The following SLC44A1 variants were observed in gnomAD, a reference collection of about 807,000 sequenced individuals.
SLC44A1 encodes the protein choline transporter-like protein 1.
Under a neutral mutation model 79.3 loss-of-function variants are expected in SLC44A1, and 26 were observed. That is an observed-to-expected ratio of 0.33 (90% CI 0.24 to 0.46). The LOEUF is 0.46. Among genes scored for constraint, SLC44A1 ranks in the 20% least tolerant of loss-of-function variants. SLC44A1 has a pLI of 1.00. For missense variants in SLC44A1, 688 were observed against 798.1 expected (o/e 0.86, Z 1.66); for synonymous variants, 263 against 286.2 (o/e 0.92, Z 0.82).
At chr9:105,265,511 T>C (rs947893637) in intron 1 of SLC44A1, among the ~76,000 whole-genome samples, 1 of 152,262 alleles carries the variant, frequency 6.6e-6, no homozygotes, top group African/African-American at 2.4e-5. Flanking sequence ...TATATGAATA[T>C]ATCATAGTTT....
rs183942957 is a variant in SLC44A1 at position 105,345,442 on chromosome 9, G to A, written c.407-2916G>A. Among the ~76,000 whole-genome samples the A allele has an allele frequency of 1.1e-4, 16 of 152,180 alleles. No individual in the cohort carries two copies. In the East Asian group the frequency reaches 3.1e-3, roughly 29 times the overall value. ...GGTATCTGTAGAACGTATGTTTTTT[G>A]GCCCAGGAGTTTATTGAATACTTGC... On this transcript the variant is annotated intron_variant, in intron 4 of 15. Coordinates refer to ENST00000374720, the MANE Select transcript of SLC44A1 (RefSeq NM_080546.5).
chr9:105,293,016 G>A lies in SLC44A1; in HGVS notation c.37-6204G>A, dbSNP rs118120526. 3.0e-4 allele frequency among the ~76,000 whole-genome samples: 46 copies of A among 152,192 alleles called. No homozygotes were observed. The East Asian group carries it at 8.3e-3, about 28-fold the overall frequency. On this transcript the variant is annotated intron_variant, in intron 1 of 15. Transcript: ENST00000374720. ...TCCATTTAAAAAAAAAATTAACAGA[G>A]CATGGTGGTGTGTGCCTGTAGTCCC...
intron 2 of SLC44A1, among the ~76,000 whole-genome samples, chr9:105,303,159 G>T (rs1830926568): frequency 6.6e-6 from 1 of 152,106 alleles, no homozygotes; most frequent in Non-Finnish European, 1.5e-5. Context: ...CAGGAAACAA[G>T]AGTGGGATGG....
intron 13 of SLC44A1, among the ~76,000 whole-genome samples, chr9:105,382,463 T>C (rs1187747295): frequency 1.3e-5 from 2 of 152,214 alleles, no homozygotes; most frequent in South Asian, 2.1e-4. Context: ...TGGCAAATTA[T>C]ATTTACCACA....
intron 15 of SLC44A1, among the ~76,000 whole-genome samples, chr9:105,426,494 A>T (rs896590213): frequency 3.3e-5 from 5 of 152,354 alleles, no homozygotes; most frequent in African/African-American, 1.2e-4. Context: ...TACTTAAAAA[A>T]TAACAATAAT....
chr9:105,291,200 G>A lies in SLC44A1; in HGVS notation c.37-8020G>A, dbSNP rs565443291. ...TATACATCAGCTCTTTTATTTTTTT[G>A]TTACCACTCTGTGCAAATAAAAGCA... On this transcript the variant is annotated intron_variant, in intron 1 of 15. Coordinates refer to ENST00000374720, the MANE Select transcript of SLC44A1 (RefSeq NM_080546.5). Among the ~76,000 whole-genome samples, 10 of 152,166 alleles carry A rather than the reference G, an allele frequency of 6.6e-5. No individual in the cohort carries two copies. The East Asian group carries it at 1.7e-3, about 26-fold the overall frequency.
At chr9:105,255,371 G>A (rs1829681892) in intron 1 of SLC44A1, among the ~76,000 whole-genome samples, 1 of 151,898 alleles carries the variant, frequency 6.6e-6, no homozygotes, top group Non-Finnish European at 1.5e-5. Context: ...TTGATTTGCT[G>A]AATAAATTGG....
At chr9:105,283,829 T>A (rs1830414941) in intron 1 of SLC44A1, among the ~76,000 whole-genome samples, 1 of 152,212 alleles carries the variant, frequency 6.6e-6, no homozygotes. Flanking sequence ...TCCATTGCTC[T>A]ATTGCTTTAT....
intron 1 of SLC44A1, among the ~76,000 whole-genome samples, chr9:105,280,856 T>C (rs1344634727): frequency 1.3e-5 from 2 of 152,230 alleles, no homozygotes; most frequent in African/African-American, 2.4e-5. Flanking sequence ...GCTACCGATG[T>C]AAAGTCCATG....
Position 105,266,857 on chromosome 9 carries a change from T to C in SLC44A1, c.36+21953T>C, listed in dbSNP as rs150625909. Among the ~76,000 whole-genome samples the C allele has an allele frequency of 1.2e-3, 187 of 152,364 alleles. 1 individual carries two copies. Among genetic ancestry groups the C allele is most frequent in the African/African-American group, 3.9e-3 (164 of 41,596 alleles). ...ATCTACAAAAAATTTTGCTGCGATT[T>C]TGATTTGGCTTGCATTGAAATGCAT... On this transcript the variant is annotated intron_variant, in intron 1 of 15. Coordinates refer to ENST00000374720, the MANE Select transcript of SLC44A1 (RefSeq NM_080546.5).
rs751434052 is a variant in SLC44A1, at chr9:105,374,628, A to G, written c.1525A>G (p.Thr509Ala). 6.9e-5 allele frequency: 112 copies of G among 1,613,910 alleles called. No homozygotes were observed. The highest frequency in any genetic ancestry group is 5.3e-5 in the Non-Finnish European group (63 of 1,179,996). Residue 509 changes from threonine (T) to alanine (A), a missense_variant, in exon 13 of 16, where the codon ACC becomes GCC. Coordinates refer to ENST00000374720, the MANE Select transcript of SLC44A1 (RefSeq NM_080546.5). ...NAYTATAINSTNFCTSAKDAF... is the reference protein window; with the variant it reads ...NAYTATAINSANFCTSAKDAF... ...ATACACAGCCACAGCTATCAACAGC[A>G]CCAACTTCTGCACCTCAGCAAAGGA...
At chr9:105,280,961 C>G (rs758291158) in intron 1 of SLC44A1, among the ~76,000 whole-genome samples, 32 of 152,204 alleles carry the variant, frequency 2.1e-4, no homozygotes, top group Non-Finnish European at 3.5e-4. Context: ...ACAGACATGG[C>G]AGGACATGCT....
chr9:105,381,354 A>G (rs1183784356), intron 13 of SLC44A1, among the ~76,000 whole-genome samples: 2 of 152,114 alleles, frequency 1.3e-5, no homozygotes, highest in South Asian at 4.2e-4. Context: ...AGCCTGGCCA[A>G]CATGGTGAAA....
At chr9:105,249,182 A>G (rs1016061857) in intron 1 of SLC44A1, among the ~76,000 whole-genome samples, 2 of 152,366 alleles carry the variant, frequency 1.3e-5, no homozygotes, top group Middle Eastern at 3.4e-3. Flanking sequence ...GTAATAAAAA[A>G]CAATCAGAAG....
At chr9:105,320,267 C>T (rs1285861682) in intron 3 of SLC44A1, among the ~76,000 whole-genome samples, 1 of 146,528 alleles carries the variant, frequency 6.8e-6, no homozygotes, top group Non-Finnish European at 1.5e-5. Flanking sequence ...AGGTTTTTTG[C>T]CATTTGGGTT....
At position 105,361,249 on chromosome 9, in the gene SLC44A1, T is replaced by G. The variant is rs781201762; in HGVS notation, c.819T>G (p.Thr273=). 1.2e-6 allele frequency: 2 copies of G among 1,614,064 alleles called. No homozygotes were observed. Among genetic ancestry groups the G allele is most frequent in the Admixed American group, 1.7e-5 (1 of 60,028 alleles). ...YAKQRRSPKE[T]VTPEQLQIAE... ...AGCAAAGAAGGTCTCCCAAAGAAAC[T>G]GTTACTCCTGAGCAGCTTCAGATAG... Residue 273 remains threonine, a synonymous_variant, in exon 8 of 16, where the codon ACT becomes ACG. Coordinates refer to ENST00000374720, the MANE Select transcript of SLC44A1 (RefSeq NM_080546.5).
Position 105,363,070 on chromosome 9 carries a change from A to G in SLC44A1, c.1087+63A>G, listed in dbSNP as rs1022019716. ...GATTTGCATTCCAGTATTTTAGAACATCAGAGAGAGGTAATTCTTCAGACA... is the reference window on the plus strand; with the variant it reads ...GATTTGCATTCCAGTATTTTAGAACGTCAGAGAGAGGTAATTCTTCAGACA... On this transcript the variant is annotated intron_variant, in intron 9 of 15. Transcript: ENST00000374720. 7 of 1,254,040 alleles carry G rather than the reference A, an allele frequency of 5.6e-6. No homozygotes were observed. The East Asian group carries it at 1.4e-4, about 26-fold the overall frequency. 77.7% of individuals were successfully genotyped at this position (1,254,040 alleles called of 1,614,324 possible). A position where few individuals can be genotyped will look rare whatever the true frequency, so the allele number is the denominator to read the frequency against.
intron 5 of SLC44A1, among the ~76,000 whole-genome samples, chr9:105,351,632 G>GAGAAAGAA (rs55635937): frequency 0.15 from 14,915 of 101,088 alleles, 1,700 homozygotes; most frequent in Middle Eastern, 0.22. Context: ...GAGAGAGAAA[G>GAGAAAGAA]AGAAAGAAAG....
At chr9:105,420,500 T>C (rs1432095500) in intron 15 of SLC44A1, among the ~76,000 whole-genome samples, 3 of 152,170 alleles carry the variant, frequency 2.0e-5, no homozygotes, top group Non-Finnish European at 1.5e-5. Flanking sequence ...TATCTCTTTC[T>C]TTTCTTTCAA....
Sources: gnomAD v4.1 joint callset for allele counts (sites outside exome capture counted in the v4.1 genomes callset) on GRCh38, gnomAD v4.1.1 for gene constraint, MANE v1.5 for transcripts, NCBI Gene and HGNC (gene_info 2026-07-23, HGNC 2026-07-21) for gene names.